SH3PXD2A: variants seen among roughly 807,000 people sequenced by gnomAD.
SH3PXD2A encodes the protein SH3 and PX domain-containing protein 2A.
Under a neutral mutation model 115.2 loss-of-function variants are expected in SH3PXD2A, and 32 were observed. The observed-to-expected ratio is 0.28, with a 90% CI of 0.21 to 0.37. The LOEUF (loss-of-function observed/expected upper bound fraction) is 0.37. Ranked by LOEUF, SH3PXD2A falls within the 10% of genes least tolerant of loss-of-function variation. The pLI is 1.00. For synonymous variants in SH3PXD2A, 610 were observed against 629.1 expected (o/e 0.97, Z 0.45); for missense variants, 1,328 against 1,498.7 (o/e 0.89, Z 1.88).
chr10:103,747,096 G>C (rs2038513019), intron 3 of SH3PXD2A: 1 of 152,368 alleles, frequency 6.6e-6, no homozygotes, highest in Non-Finnish European at 1.5e-5. Flanking sequence ...CTTGCTGAAA[G>C]GTGAGTGAGT....
rs533143591 is a variant in SH3PXD2A at position 103,603,091 on chromosome 10, AGAG to A, written c.2124_2126del (p.Ser710del). ...GGTCGCCACTGGTTTTGGACAAGGAAGAGGAGGAGGAGGAAGAGGAGGAGCAGC... is the reference window on the plus strand; with the variant it reads ...GGTCGCCACTGGTTTTGGACAAGGAAGAGGAGGAGGAAGAGGAGGAGCAGC... On this transcript the variant is annotated inframe_deletion, in exon 15 of 15. Coordinates refer to ENST00000369774, the MANE Select transcript of SH3PXD2A (RefSeq NM_001394015.1). 28 of 1,612,934 alleles carry A rather than the reference AGAG, an allele frequency of 1.7e-5. No homozygotes were observed. In the Admixed American group the frequency reaches 2.5e-4, roughly 14 times the overall value.
At chr10:103,727,660 G>A (rs2038257366) in intron 4 of SH3PXD2A, among the ~76,000 whole-genome samples, 1 of 152,236 alleles carries the variant, frequency 6.6e-6, no homozygotes, top group African/African-American at 2.4e-5. Flanking sequence ...GCCCTGGCAG[G>A]GAACAGAGGG....
intron 8 of SH3PXD2A, among the ~76,000 whole-genome samples, chr10:103,657,951 A>T (rs1396672845): frequency 6.6e-6 from 1 of 151,954 alleles, no homozygotes; most frequent in Non-Finnish European, 1.5e-5. Context: ...TCCCTGCATG[A>T]CCTCTGTTGA....
intron 6 of SH3PXD2A, among the ~76,000 whole-genome samples, chr10:103,689,015 C>T (rs1404946838): frequency 6.6e-6 from 1 of 152,108 alleles, no homozygotes; most frequent in East Asian, 1.9e-4. Context: ...TACAGGCCTG[C>T]ACCACTACAT....
chr10:103,609,392 A>G (rs1298041301), intron 13 of SH3PXD2A: 25 of 152,260 alleles, frequency 1.6e-4, no homozygotes, highest in Admixed American at 1.6e-3. Context: ...GCTGGTCATC[A>G]TGACAAGGCC....
chr10:103,640,075 G>C (rs1407114788), intron 8 of SH3PXD2A, among the ~76,000 whole-genome samples: 1 of 152,226 alleles, frequency 6.6e-6, no homozygotes. Context: ...AGCATTTTGG[G>C]AGGCCGAGGC....
chr10:103,692,998 T>A, intron 6 of SH3PXD2A, 30 bp downstream of exon 6: 2 of 1,592,558 alleles, frequency 1.3e-6, no homozygotes, highest in Non-Finnish European at 1.7e-6. Context: ...GAAGGAAGGC[T>A]GAAGGGAAAA....
chr10:103,774,813 C>T (rs2038862531), intron 2 of SH3PXD2A, among the ~76,000 whole-genome samples: 1 of 152,144 alleles, frequency 6.6e-6, no homozygotes, highest in South Asian at 2.1e-4. Flanking sequence ...ATTCTGTCTC[C>T]TCTGTGGATA....
chr10:103,758,422 G>A (rs576889141), intron 3 of SH3PXD2A, among the ~76,000 whole-genome samples: 2 of 152,240 alleles, frequency 1.3e-5, no homozygotes, highest in East Asian at 1.9e-4. Context: ...CACATGACCT[G>A]GTTATTTTTC....
intron 3 of SH3PXD2A, among the ~76,000 whole-genome samples, chr10:103,736,078 C>T (rs1443652044): frequency 1.3e-5 from 2 of 152,230 alleles, no homozygotes; most frequent in Admixed American, 6.5e-5. Context: ...GCCACCTTGC[C>T]TGGATCTAAT....
chr10:103,735,332 T>C lies in SH3PXD2A; in HGVS notation c.306+400A>G, dbSNP rs1167102552. Reference sequence around the variant, plus strand: ...ATGTGTACTGCTGATGCTAGTGAACTGATCCCAACAACATCCCAACAGGAA... The same window carrying C: ...ATGTGTACTGCTGATGCTAGTGAACCGATCCCAACAACATCCCAACAGGAA... On this transcript the variant is annotated intron_variant, in intron 4 of 14. Transcript: ENST00000369774. Among the ~76,000 whole-genome samples the C allele has an allele frequency of 2.6e-5, 4 of 152,274 alleles. No homozygotes were observed. The East Asian group carries it at 7.7e-4, about 29-fold the overall frequency.
In SH3PXD2A at chr10:103,671,323, C is replaced by G. The variant is rs144947330; in HGVS notation, c.428-2671G>C. On this transcript the variant is annotated intron_variant, in intron 6 of 14. Transcript: ENST00000369774. Reference sequence around the variant, plus strand: ...CATAAAAGAATGAGTGGGCTGTGTTCCAATAAAACTTTATTTATAAAACGA... The same window carrying G: ...CATAAAAGAATGAGTGGGCTGTGTTGCAATAAAACTTTATTTATAAAACGA... 4.0e-3 allele frequency among the ~76,000 whole-genome samples: 610 copies of G among 152,278 alleles called. 7 individuals carry two copies. The highest frequency in any genetic ancestry group is 0.014 in the African/African-American group (570 of 41,550).
intron 11 of SH3PXD2A, among the ~76,000 whole-genome samples, chr10:103,614,180 A>T (rs2036473293): frequency 6.6e-6 from 1 of 151,890 alleles, no homozygotes; most frequent in Non-Finnish European, 1.5e-5. Context: ...GCTTGAGCCC[A>T]GAAGTTTGAA....
chr10:103,798,198 G>T (rs1319929847), intron 2 of SH3PXD2A, among the ~76,000 whole-genome samples: 7 of 152,122 alleles, frequency 4.6e-5, no homozygotes, highest in African/African-American at 1.7e-4. Context: ...CTATCAAAGG[G>T]GTCAAAGGGG....
intron 2 of SH3PXD2A, among the ~76,000 whole-genome samples, chr10:103,769,289 C>G (rs1333767493): frequency 6.6e-6 from 1 of 152,032 alleles, no homozygotes; most frequent in Non-Finnish European, 1.5e-5. Flanking sequence ...CCAATATACC[C>G]AGGTTATTTA....
chr10:103,627,116 C>T lies in SH3PXD2A; in HGVS notation c.691G>A (p.Asp231Asn), dbSNP rs147297499. ...TCTCCAGTCTTAGAGGTGTTGATGT[C>T]GGAGTCATCCCGAGTACCATTCTGG... is the stretch of plus-strand genomic sequence containing the variant. ...EAQNGTRDDS[D>N]INTSKTGEVS... is the part of the protein sequence containing the mutation. The change falls in exon 9 of 15, where the codon GAC (aspartate) becomes AAC (asparagine). Residue 231 changes from aspartate (D) to asparagine (N), a missense_variant. Asp to Asn is a conservative substitution (Grantham distance 23, BLOSUM62 1). This residue lies in a region of SH3PXD2A where 509 missense variants were observed against 628.3 expected (regional missense o/e 0.81). Coordinates refer to ENST00000369774, the MANE Select transcript of SH3PXD2A (RefSeq NM_001394015.1). The surrounding 1 kb of genome is among the most constrained non-coding windows in gnomAD (Gnocchi z 4.4). 9.8e-5 allele frequency: 158 copies of T among 1,611,342 alleles called. No individual in the cohort carries two copies. The highest frequency in any genetic ancestry group is 3.3e-4 in the Admixed American group (20 of 60,004).
intron 9 of SH3PXD2A, among the ~76,000 whole-genome samples, chr10:103,624,232 G>A (rs2036655708): frequency 6.6e-6 from 1 of 152,246 alleles, no homozygotes; most frequent in South Asian, 2.1e-4. Flanking sequence ...TCTGGGTGCT[G>A]GGGGATCTGC....
At chr10:103,609,366 G>A (rs2036389767) in intron 13 of SH3PXD2A, 1 of 152,286 alleles carries the variant, frequency 6.6e-6, no homozygotes. Flanking sequence ...GTGCGGTTGA[G>A]TGAGCAAAGT....
intron 7 of SH3PXD2A, chr10:103,662,048 G>T: frequency 1.4e-6 from 1 of 724,314 alleles, no homozygotes; most frequent in Non-Finnish European, 1.7e-6. Context: ...CCCTCTGGCT[G>T]CAGAGACTGA....
Sources: allele counts gnomAD v4.1 joint callset (sites outside exome capture counted in the v4.1 genomes callset), GRCh38; gene constraint gnomAD v4.1.1; regional missense constraint gnomAD v4.1.1; non-coding constraint Gnocchi (gnomAD v3.1); transcripts MANE v1.5; gene names NCBI Gene and HGNC (gene_info 2026-07-23, HGNC 2026-07-21).